RAB1B: variants seen among roughly 807,000 people sequenced by gnomAD.
RAB1B encodes ras-related protein Rab-1B.
Under a neutral mutation model 24.8 loss-of-function variants are expected in RAB1B, and 10 were observed. The observed-to-expected ratio is 0.40, with a 90% CI of 0.25 to 0.68. RAB1B has a LOEUF of 0.68. Among genes scored for constraint, RAB1B ranks in the 30% least tolerant of loss-of-function variants. The probability of loss-of-function intolerance (pLI) is 0.37; values close to 1 mark genes in which losing one functional copy is unlikely to be tolerated. For missense variants in RAB1B, 154 were observed against 271.2 expected (o/e 0.57, Z 3.04); for synonymous variants, 99 against 111.7 (o/e 0.89, Z 0.72).
Position 66,276,146 on chromosome 11 carries a change from C to T in RAB1B, c.514C>T (p.Arg172Trp), listed in dbSNP as rs765898903. 1.9e-6 allele frequency: 3 copies of T among 1,613,286 alleles called. No homozygotes were observed. The highest frequency in any genetic ancestry group is 1.1e-5 in the South Asian group (1 of 90,890). ...GACCATGGCTGCTGAAATCAAAAAG[C>T]GGATGGGGCCTGGAGCAGCCTCTGG... ...FMTMAAEIKK[R>W]MGPGAASGGE... The change falls in exon 6 of 6, where the codon CGG (arginine) becomes TGG (tryptophan). Residue 172 changes from arginine to tryptophan, a missense_variant. This residue lies in a region of RAB1B where 77 missense variants were observed against 97.8 expected (regional missense o/e 0.79). Transcript: ENST00000311481.
chr11:66,271,969 C>T, intron 2 of RAB1B, 100 bp downstream of exon 2: 2 of 1,093,052 alleles, frequency 1.8e-6, no homozygotes, highest in South Asian at 2.5e-5. Flanking sequence ...ATCTGGGAAC[C>T]AGGGGTGAAG....
chr11:66,271,949 T>A, intron 2 of RAB1B, 80 bp downstream of exon 2: 1 of 1,208,058 alleles, frequency 8.3e-7, no homozygotes, highest in African/African-American at 1.5e-5. Context: ...CAGAGCACAG[T>A]AGTTGCAAGA....
chr11:66,272,204 C>T lies in RAB1B; in HGVS notation c.135C>T (p.Phe45=), dbSNP rs369688518. 6.2e-7 allele frequency: 1 copy of T among 1,613,920 alleles called. No individual in the cohort carries two copies. The highest frequency in any genetic ancestry group is 1.3e-5 in the African/African-American group (1 of 74,922). ...ESYISTIGVD[F]KIRTIELDGK... ...ACATCAGCACCATCGGGGTGGACTT[C>T]AAGATCCGAACCATCGAGCTGGATG... is the stretch of plus-strand genomic sequence containing the variant. Residue 45 remains phenylalanine, a synonymous_variant, in exon 3 of 6, where the codon TTC becomes TTT. Transcript: ENST00000311481.
intron 4 of RAB1B, among the ~76,000 whole-genome samples, chr11:66,273,440 C>T (rs1431874976): frequency 6.6e-6 from 1 of 152,206 alleles, no homozygotes; most frequent in African/African-American, 2.4e-5. Context: ...GGACACTGCT[C>T]TCTTCTCTCT....
intron 1 of RAB1B, chr11:66,270,203 CA>C (rs1371395987): frequency 2.6e-5 from 4 of 152,070 alleles, no homozygotes; most frequent in Admixed American, 1.3e-4. Context: ...GCAACTTGAC[CA>C]CCTCTTCCTG....
Position 66,274,856 on chromosome 11 carries a change from G to A in RAB1B, c.280-948G>A, listed in dbSNP as rs77768832. ...TCCCCAGACACACCATGCCCCTCCC[G>A]TTCAGTGACCTGGCACATGCTGGCT... On this transcript the variant is annotated intron_variant, in intron 4 of 5. Coordinates refer to ENST00000311481, the MANE Select transcript of RAB1B (RefSeq NM_030981.3). 3.9e-3 allele frequency among the ~76,000 whole-genome samples: 514 copies of A among 131,502 alleles called. 4 individuals are homozygous for A. The highest frequency in any genetic ancestry group is 6.2e-3 in the Non-Finnish European group (397 of 63,774). 86.3% of individuals were successfully genotyped at this position (131,502 alleles called of 152,430 possible).
At position 66,268,704 on chromosome 11, in the gene RAB1B, C is replaced by T. The variant is rs1185389141; in HGVS notation, c.14+11C>T. On this transcript the variant is annotated intron_variant, in intron 1 of 5. Transcript: ENST00000311481. ...CATGAACCCCGAATAGTGAGTGAGC[C>T]CCGCCCGCGCCGTCCAGCGCAGCCT... The T allele has an allele frequency of 8.3e-6, 13 of 1,563,994 alleles. No homozygotes were observed. The highest frequency in any genetic ancestry group is 4.1e-5 in the African/African-American group (3 of 73,414).
intron 1 of RAB1B, among the ~76,000 whole-genome samples, chr11:66,269,105 G>T (rs921832556): frequency 6.6e-6 from 1 of 152,078 alleles, no homozygotes; most frequent in Non-Finnish European, 1.5e-5. Context: ...TTTAGGTCGG[G>T]CAGTGAATCC....
At chr11:66,272,292 T>C in intron 3 of RAB1B, 40 bp downstream of exon 3, 1 of 1,600,342 alleles carries the variant, frequency 6.2e-7, no homozygotes, top group African/African-American at 1.3e-5. Context: ...TACAGAGGTA[T>C]CCACCTTGGG....
rs1857148390 is a variant in RAB1B, at chr11:66,276,496, C to A, written c.*258C>A. 1 of 470,268 alleles carries A rather than the reference C, an allele frequency of 2.1e-6. No individual in the cohort carries two copies. The highest frequency in any genetic ancestry group is 3.7e-6 in the Non-Finnish European group (1 of 267,260). 29.1% of individuals were successfully genotyped at this position (470,268 alleles called of 1,614,324 possible). A position where few individuals can be genotyped will look rare whatever the true frequency, so the allele number is the denominator to read the frequency against. ...TGTGCTGTTGCCTCTAGGTGACTTT[C>A]CAAGATGCCCCCCTACACACCTTTC... On this transcript the variant is annotated 3_prime_UTR_variant, in exon 6 of 6. Transcript: ENST00000311481.
chr11:66,275,680 A>G (rs923905831), intron 4 of RAB1B, 124 bp from the exon 5 acceptor site: 5 of 1,056,744 alleles, frequency 4.7e-6, no homozygotes, highest in Admixed American at 2.8e-5. Context: ...GCATCTCTGC[A>G]TCGCTGAGCC....
rs1857168379 is a variant in RAB1B at position 66,277,299 on chromosome 11, C to T, written c.*1061C>T. On this transcript the variant is annotated 3_prime_UTR_variant, in exon 6 of 6. Transcript: ENST00000311481. ...CTCGTGCTGTCTCTTGCCTGTCCCA[C>T]CTGTGCCCTGCCCTCCAGCTTGTAT... The T allele has an allele frequency of 6.5e-6, 1 of 152,778 alleles. No homozygotes were observed. The highest frequency in any genetic ancestry group is 6.5e-5 in the Admixed American group (1 of 15,292). The allele number at this position is 152,778 out of a possible 1,614,324, so 9.5% of individuals were successfully genotyped here. A position where few individuals can be genotyped will look rare whatever the true frequency, so the allele number is the denominator to read the frequency against.
intron 4 of RAB1B, among the ~76,000 whole-genome samples, chr11:66,274,099 T>G (rs898958939): frequency 1.3e-5 from 2 of 152,152 alleles, no homozygotes; most frequent in African/African-American, 4.8e-5. Flanking sequence ...TTCAGTCTCC[T>G]AAGTCACTGG....
chr11:66,272,072 G>T, intron 2 of RAB1B, 85 bp from the exon 3 acceptor site: 1 of 1,105,332 alleles, frequency 9.0e-7, no homozygotes, highest in Non-Finnish European at 1.4e-6. Flanking sequence ...CGGAGACCCA[G>T]CTGGGGCAGG....
In RAB1B at chr11:66,275,781, C is replaced by T. The variant is rs1245001778; in HGVS notation, c.280-23C>T. The T allele has an allele frequency of 1.9e-6, 3 of 1,558,714 alleles. No individual in the cohort carries two copies. In the African/African-American group the frequency reaches 4.1e-5, roughly 21 times the overall value. On this transcript the variant is annotated intron_variant, in intron 4 of 5. Transcript: ENST00000311481. ...GGGGTGACAGTTGGGAGCAAAATAA[C>T]TTTGGCCCCTGGCCCCCTTTAGGAA...
At chr11:66,268,775 G>A in intron 1 of RAB1B, 82 bp downstream of exon 1, 6 of 1,384,540 alleles carry the variant, frequency 4.3e-6, no homozygotes, top group Admixed American at 3.1e-5. Context: ...TGTCTGGCCC[G>A]GGTCAGGACT....
intron 5 of RAB1B, 47 bp downstream of exon 5, chr11:66,275,982 TGCCCCTCACCTGCTC>T (rs1412271735): frequency 6.2e-7 from 1 of 1,607,056 alleles, no homozygotes; most frequent in African/African-American, 1.3e-5. Context: ...TGGGGCCTGC[TGCCCCTCACCTGCTC>T]TCCCCTCCTC....
chr11:66,272,110 C>A, intron 2 of RAB1B, 47 bp from the exon 3 acceptor site: 1 of 1,372,114 alleles, frequency 7.3e-7, no homozygotes, highest in Non-Finnish European at 1.0e-6. Flanking sequence ...TCCAAGTGGG[C>A]CTCACCTCAT....
rs1299475430 is a variant in RAB1B at position 66,271,802 on chromosome 11, A to G, written c.20A>G (p.Tyr7Cys). Residue 7 changes from tyrosine (Y) to cysteine (C), a missense_variant, in exon 2 of 6, where the codon TAC becomes TGC. Tyr to Cys is a radical substitution (Grantham distance 194). Transcript: ENST00000311481. Reference protein sequence around the residue: MNPEYDYLFKLLLIGDS... With the variant: MNPEYDCLFKLLLIGDS... ...TTCCCATCTTCTCTCTCCAGTGACTACCTGTTTAAGCTGCTTTTGATTGGC... is the reference window on the plus strand; with the variant it reads ...TTCCCATCTTCTCTCTCCAGTGACTGCCTGTTTAAGCTGCTTTTGATTGGC... 2.5e-6 allele frequency: 4 copies of G among 1,613,240 alleles called. No individual in the cohort carries two copies. The highest frequency in any genetic ancestry group is 3.4e-6 in the Non-Finnish European group (4 of 1,179,536).
Sources: gnomAD v4.1 joint callset for allele counts (sites outside exome capture counted in the v4.1 genomes callset) on GRCh38, gnomAD v4.1.1 for gene constraint, gnomAD v4.1.1 regional missense constraint, MANE v1.5 for transcripts, NCBI Gene and HGNC (gene_info 2026-07-23, HGNC 2026-07-21) for gene names.